The following EDEM3 variants were observed in gnomAD, a reference collection of about 807,000 sequenced individuals.
EDEM3 encodes ER degradation enhancing alpha-mannosidase like protein 3, also known as ER degradation-enhancing alpha-mannosidase-like protein 3.
A neutral mutation model predicts 110.2 loss-of-function variants in EDEM3; 60 were observed. The observed-to-expected ratio is 0.54, with a 90% CI of 0.44 to 0.67. The LOEUF is 0.67. Ranked by LOEUF, EDEM3 falls within the 30% of genes least tolerant of loss-of-function variation. The probability of loss-of-function intolerance (pLI) is 0.00; values close to 1 mark genes in which losing one functional copy is unlikely to be tolerated. For missense variants in EDEM3, 996 were observed against 1,121.0 expected, an observed-to-expected ratio of 0.89 and a Z score of 1.59; for synonymous variants, 352 against 382.9, an observed-to-expected ratio of 0.92 and a Z score of 0.94.
In EDEM3 at chr1:184,708,334, G is replaced by A. The variant is rs1372239446; in HGVS notation, c.1856C>T (p.Ser619Leu). ...CCTCAACCCATCTTCAGCGTCGATT[G>A]AACTAGCAGCCTATGAAAAAAACAA... ...LVQHAIQAAS[S>L]IDAEDGLRFM... is the part of the protein sequence containing the mutation. The change falls in exon 17 of 20, where the codon TCA (serine) becomes TTA (leucine). Residue 619 changes from serine (S) to leucine (L), a missense_variant. Transcript: ENST00000318130. 1 of 1,607,412 alleles carries A rather than the reference G, an allele frequency of 6.2e-7. No individual in the cohort carries two copies. The highest frequency in any genetic ancestry group is 1.7e-5 in the Admixed American group (1 of 57,970).
At chr1:184,707,590 G>A (rs950791300) in intron 17 of EDEM3, among the ~76,000 whole-genome samples, 1 of 152,200 alleles carries the variant, frequency 6.6e-6, no homozygotes, top group African/African-American at 2.4e-5. Context: ...AGATTGTCAC[G>A]ATACTTGGGC....
At chr1:184,696,893 T>C (rs892021620) in intron 19 of EDEM3, among the ~76,000 whole-genome samples, 11 of 151,980 alleles carry the variant, frequency 7.2e-5, no homozygotes, top group African/African-American at 2.7e-4. Flanking sequence ...TAGGGTTACA[T>C]ATACGATATT....
chr1:184,693,048 T>C lies in EDEM3; in HGVS notation c.*1015A>G, dbSNP rs1348893547. On this transcript the variant is annotated 3_prime_UTR_variant, in exon 20 of 20. Transcript: ENST00000318130. ...AATTTTAACTCACTAACCACAGTTC[T>C]ATCATGGCTCTGTAAGACAGAAAAA... 4.5e-5 allele frequency: 7 copies of C among 154,802 alleles called. No individual in the cohort carries two copies. The highest frequency in any genetic ancestry group is 3.9e-4 in the Admixed American group (6 of 15,282). The allele number at this position is 154,802 out of a possible 1,614,324, so 9.6% of individuals were successfully genotyped here. A position where few individuals can be genotyped will look rare whatever the true frequency, so the allele number is the denominator to read the frequency against.
At chr1:184,715,724 C>T (rs1338464873) in intron 13 of EDEM3, among the ~76,000 whole-genome samples, 3 of 152,148 alleles carry the variant, frequency 2.0e-5, no homozygotes, top group South Asian at 2.1e-4. Context: ...TAGTTAAACA[C>T]ATAAAATGCT....
chr1:184,721,145 G>A (rs1184537276), intron 9 of EDEM3, 144 bp downstream of exon 9: 2 of 657,576 alleles, frequency 3.0e-6, no homozygotes, highest in Admixed American at 3.5e-5. Context: ...CGCTGTCCCT[G>A]TTCAACATCA....
intron 8 of EDEM3, among the ~76,000 whole-genome samples, chr1:184,722,949 G>A (rs1317424326): frequency 6.6e-6 from 1 of 151,622 alleles, no homozygotes; most frequent in Non-Finnish European, 1.5e-5. Flanking sequence ...TCCTTCCCAT[G>A]CTCCTGATTT....
At chr1:184,695,601 A>C (rs954892470) in intron 19 of EDEM3, among the ~76,000 whole-genome samples, 1 of 152,030 alleles carries the variant, frequency 6.6e-6, no homozygotes, top group African/African-American at 2.4e-5. Flanking sequence ...AATGACAAGA[A>C]AAAAAATCTC....
intron 2 of EDEM3, among the ~76,000 whole-genome samples, chr1:184,739,669 G>C (rs2102122868): frequency 6.6e-6 from 1 of 152,158 alleles, no homozygotes; most frequent in African/African-American, 2.4e-5. Context: ...GGATTACTGG[G>C]ATTTTTGTTA....
intron 13 of EDEM3, among the ~76,000 whole-genome samples, chr1:184,714,920 A>C (rs896124957): frequency 1.3e-5 from 2 of 152,168 alleles, no homozygotes; most frequent in African/African-American, 4.8e-5. Context: ...GAACATAATA[A>C]AGCTCCTAAA....
intron 2 of EDEM3, among the ~76,000 whole-genome samples, chr1:184,746,471 C>T (rs1380564141): frequency 6.6e-6 from 1 of 152,210 alleles, no homozygotes; most frequent in Non-Finnish European, 1.5e-5. Flanking sequence ...TCAGTAGCAG[C>T]AGTAAATTCT....
intron 18 of EDEM3, 44 bp downstream of exon 18, chr1:184,706,599 T>G (rs1165857294): frequency 1.4e-6 from 2 of 1,438,968 alleles, no homozygotes; most frequent in African/African-American, 2.9e-5. Flanking sequence ...ATCCTAAAAA[T>G]TATCTCCCCT....
intron 18 of EDEM3, among the ~76,000 whole-genome samples, chr1:184,703,299 A>C (rs1018733473): frequency 1.4e-4 from 21 of 152,210 alleles, no homozygotes; most frequent in African/African-American, 4.6e-4. Context: ...ATAATAATAC[A>C]TTTAAAAAGT....
chr1:184,717,906 G>C (rs1331228361), intron 11 of EDEM3, among the ~76,000 whole-genome samples: 1 of 151,916 alleles, frequency 6.6e-6, no homozygotes, highest in Non-Finnish European at 1.5e-5. Flanking sequence ...ATGGGTCCTG[G>C]TGGTAAACAT....
At chr1:184,723,502 G>A (rs1265627928) in intron 8 of EDEM3, among the ~76,000 whole-genome samples, 1 of 151,638 alleles carries the variant, frequency 6.6e-6, no homozygotes, top group African/African-American at 2.4e-5. Flanking sequence ...ATAAATTATA[G>A]CGTTTCATCT....
At chr1:184,717,698 A>C (rs1259454467) in intron 11 of EDEM3, 75 bp from the exon 12 acceptor site, 2 of 1,074,954 alleles carry the variant, frequency 1.9e-6, no homozygotes, top group Non-Finnish European at 2.6e-6. Flanking sequence ...TATAGAATAT[A>C]TATAAATAGG....
At chr1:184,698,761 A>G (rs1649457793) in intron 19 of EDEM3, among the ~76,000 whole-genome samples, 1 of 151,726 alleles carries the variant, frequency 6.6e-6, no homozygotes, top group Non-Finnish European at 1.5e-5. Flanking sequence ...CTAAATTTAA[A>G]TGTAGAGAAG....
Position 184,739,871 on chromosome 1 carries a change from T to C in EDEM3, c.205-2160A>G, listed in dbSNP as rs1652039753. On this transcript the variant is annotated intron_variant, in intron 2 of 19. Coordinates refer to ENST00000318130, the MANE Select transcript of EDEM3 (RefSeq NM_025191.4). ...AAATTAAACGGTGGAGTATAGAAGA[T>C]AAAGCTGCACTGACCACAACATGGG... 5.3e-5 allele frequency among the ~76,000 whole-genome samples: 8 copies of C among 152,308 alleles called. No homozygotes were observed. In the South Asian group the frequency reaches 1.7e-3, roughly 32 times the overall value.
chr1:184,701,933 T>C (rs1035271226), intron 19 of EDEM3, among the ~76,000 whole-genome samples: 7 of 152,034 alleles, frequency 4.6e-5, no homozygotes, highest in Non-Finnish European at 1.5e-5. Context: ...GGAAGTCACA[T>C]TGAATTGAAT....
intron 1 of EDEM3, among the ~76,000 whole-genome samples, chr1:184,752,119 C>G (rs1036629919): frequency 6.6e-6 from 1 of 152,184 alleles, no homozygotes; most frequent in Non-Finnish European, 1.5e-5. Flanking sequence ...TTTTCTACTT[C>G]ATTTTTTAAT....
Sources: allele counts gnomAD v4.1 joint callset (sites outside exome capture counted in the v4.1 genomes callset), GRCh38; gene constraint gnomAD v4.1.1; transcripts MANE v1.5; gene names NCBI Gene and HGNC (gene_info 2026-07-23, HGNC 2026-07-21).